The following SLC24A2 variants were observed in gnomAD, a reference collection of about 807,000 sequenced individuals.
SLC24A2 encodes solute carrier family 24 member 2, also known as sodium/potassium/calcium exchanger 2.
A neutral mutation model predicts 62.0 loss-of-function variants in SLC24A2; 36 were observed. The ratio of observed to expected loss-of-function variants is 0.58; its 90% CI spans 0.44 to 0.77. The LOEUF is 0.77. Ranked by LOEUF, SLC24A2 falls within the 30% of genes least tolerant of loss-of-function variation. SLC24A2 has a pLI of 0.00. For missense variants in SLC24A2, 846 were observed against 817.9 expected (o/e 1.03, Z -0.42); for synonymous variants, 358 against 294.0 (o/e 1.22, Z -2.23).
chr9:19,873,316 G>A, the SLC24A2 span, among the ~76,000 whole-genome samples: 95 of 119,886 alleles, frequency 7.9e-4, no homozygotes, highest in African/African-American at 1.7e-3. Flanking sequence ...CTTTCCTTCC[G>A]TCCTTCTCTT....
the SLC24A2 span, among the ~76,000 whole-genome samples, chr9:20,134,154 CT>C: frequency 6.6e-6 from 1 of 152,126 alleles, no homozygotes; most frequent in African/African-American, 2.4e-5. Flanking sequence ...AGAAAGCTTC[CT>C]ATAGAAAAAT....
At chr9:19,875,958 C>G in the SLC24A2 span, among the ~76,000 whole-genome samples, 1 of 152,116 alleles carries the variant, frequency 6.6e-6, no homozygotes, top group East Asian at 1.9e-4. Flanking sequence ...TCCAATACTT[C>G]AAAACAAAGT....
intron 8 of SLC24A2, among the ~76,000 whole-genome samples, chr9:19,536,695 A>C (rs1268137418): frequency 2.6e-5 from 1 of 38,542 alleles, no homozygotes; most frequent in Non-Finnish European, 4.4e-5. Flanking sequence ...AGCATGATTT[A>C]TAGTCATTTG....
intron 2 of SLC24A2, among the ~76,000 whole-genome samples, chr9:19,656,751 T>G (rs1818954363): frequency 6.6e-6 from 1 of 152,196 alleles, no homozygotes; most frequent in African/African-American, 2.4e-5. Flanking sequence ...CCTCCTTCTC[T>G]TTACTCTTCT....
chr9:19,531,872 G>A (rs1323264192), intron 8 of SLC24A2, among the ~76,000 whole-genome samples: 2 of 152,056 alleles, frequency 1.3e-5, no homozygotes, highest in African/African-American at 4.8e-5. Context: ...TAGTTGTTTT[G>A]AGGACTTCAT....
chr9:19,878,852 A>G, the SLC24A2 span, among the ~76,000 whole-genome samples: 169 of 152,268 alleles, frequency 1.1e-3, no homozygotes, highest in East Asian at 0.027. Flanking sequence ...CAGTGCAAGA[A>G]GAAACTAATA....
the SLC24A2 span, among the ~76,000 whole-genome samples, chr9:19,797,049 T>G: frequency 6.6e-6 from 1 of 152,180 alleles, no homozygotes; most frequent in African/African-American, 2.4e-5. Flanking sequence ...CTTTGTCATT[T>G]AACCCTTCTC....
At chr9:19,878,253 G>A in the SLC24A2 span, among the ~76,000 whole-genome samples, 3 of 152,308 alleles carry the variant, frequency 2.0e-5, no homozygotes, top group South Asian at 6.2e-4. Flanking sequence ...AACACCTGGA[G>A]ACTTTGAGGC....
chr9:19,669,680 C>G (rs554763789), intron 2 of SLC24A2, among the ~76,000 whole-genome samples: 53 of 152,290 alleles, frequency 3.5e-4, no homozygotes, highest in African/African-American at 1.2e-3. Context: ...CCTCTATCTT[C>G]AAAACCAGCA....
chr9:19,567,709 T>G (rs1835714391), intron 7 of SLC24A2, among the ~76,000 whole-genome samples: 1 of 147,594 alleles, frequency 6.8e-6, no homozygotes, highest in Admixed American at 6.8e-5. Flanking sequence ...AAAAAAAATT[T>G]GAGAAGGTTG....
At chr9:19,702,633 T>C (rs555549874) in intron 2 of SLC24A2, among the ~76,000 whole-genome samples, 2 of 152,322 alleles carry the variant, frequency 1.3e-5, no homozygotes, top group African/African-American at 4.8e-5. Context: ...TCTTGCATTA[T>C]AGTTGGCAGT....
At chr9:19,619,964 A>C (rs892707853) in intron 3 of SLC24A2, among the ~76,000 whole-genome samples, 1 of 152,126 alleles carries the variant, frequency 6.6e-6, no homozygotes, top group African/African-American at 2.4e-5. Context: ...CATTTATCTT[A>C]TTTGCAAAAT....
At chr9:20,017,151 T>G in the SLC24A2 span, among the ~76,000 whole-genome samples, 1 of 152,068 alleles carries the variant, frequency 6.6e-6, no homozygotes, top group East Asian at 1.9e-4. Context: ...GCCTCCTGAG[T>G]AGCTGGGATT....
chr9:20,290,173 C>T, the SLC24A2 span, among the ~76,000 whole-genome samples: 2 of 152,194 alleles, frequency 1.3e-5, no homozygotes, highest in African/African-American at 4.8e-5. Flanking sequence ...AAATCAATTT[C>T]GTTCTAGCCA....
rs1832918554 is a variant in SLC24A2, at chr9:19,516,220, T to C, written c.1919A>G (p.Tyr640Cys). Residue 640 changes from tyrosine to cysteine, a missense_variant, in exon 11 of 11, where the codon TAC becomes TGC. By Grantham distance (194) the Tyr-to-Cys change is radical. Transcript: ENST00000341998. The stretch of plus-strand genomic sequence containing the variant: ...AACGCTCACCACCAGGAACACAAAG[T>C]AGAGGCCAAACATGATGAAGCCCAG... ...KILGFIMFGL[Y>C]FVFLVVSVLL... 1 of 1,613,806 alleles carries C rather than the reference T, an allele frequency of 6.2e-7. No homozygotes were observed. The highest frequency in any genetic ancestry group is 8.5e-7 in the Non-Finnish European group (1 of 1,179,980).
chr9:20,121,391 TG>T, the SLC24A2 span, among the ~76,000 whole-genome samples: 3 of 152,086 alleles, frequency 2.0e-5, no homozygotes, highest in Admixed American at 1.3e-4. Context: ...AATACCACCT[TG>T]CAAATATTTG....
intron 2 of SLC24A2, among the ~76,000 whole-genome samples, chr9:19,711,462 AT>A (rs1820713290): frequency 6.6e-6 from 1 of 152,206 alleles, no homozygotes; most frequent in Non-Finnish European, 1.5e-5. Flanking sequence ...TTTAAAGAAC[AT>A]TTTAAAGGCA....
the SLC24A2 span, among the ~76,000 whole-genome samples, chr9:20,207,710 A>G: frequency 6.9e-4 from 105 of 152,376 alleles, 2 homozygotes; most frequent in African/African-American, 2.3e-3. Context: ...AATCTGAGGT[A>G]TAAGTCACCC....
the SLC24A2 span, among the ~76,000 whole-genome samples, chr9:20,075,305 A>G: frequency 6.6e-6 from 1 of 152,180 alleles, no homozygotes; most frequent in African/African-American, 2.4e-5. Flanking sequence ...CTCTGATAGG[A>G]TTATTACCTC....
Sources: gnomAD v4.1 joint callset for allele counts (sites outside exome capture counted in the v4.1 genomes callset) on GRCh38, gnomAD v4.1.1 for gene constraint, MANE v1.5 for transcripts, NCBI Gene and HGNC (gene_info 2026-07-23, HGNC 2026-07-21) for gene names.